Variants in KLHL10 observed in about 807,000 individuals in gnomAD.
KLHL10 encodes the protein kelch-like protein 10.
In KLHL10, 11 loss-of-function variants were observed where a neutral mutation model predicts 46.6. The ratio of observed to expected loss-of-function variants is 0.24; its 90% CI spans 0.15 to 0.39. The LOEUF (loss-of-function observed/expected upper bound fraction) is 0.39, where lower values mean the gene tolerates loss of function less well. KLHL10 is among the 10% of genes least tolerant of loss of function. KLHL10 has a pLI of 1.00. For synonymous variants in KLHL10, 254 were observed against 279.1 expected, an observed-to-expected ratio of 0.91 and a Z score of 0.90; for missense variants, 475 against 789.8, an observed-to-expected ratio of 0.60 and a Z score of 4.78.
upstream of KLHL10, chr17:41,836,524 G>C: frequency 4.3e-6 from 4 of 928,902 alleles, no homozygotes; most frequent in Non-Finnish European, 5.1e-6. Context: ...GAAAGTTTGT[G>C]ACAAAAACAT....
chr17:41,848,153 A>G lies in KLHL10; in HGVS notation c.1673A>G (p.His558Arg). The change falls in exon 5 of 5, where the codon CAT (histidine) becomes CGT (arginine). Residue 558 changes from histidine to arginine, a missense_variant. Transcript: ENST00000293303. Reference sequence around the variant, plus strand: ...AAGACCGATGAGTGGTATGATGCTCATGACATGAGTATATACCGCAGTGCT... The same window carrying G: ...AAGACCGATGAGTGGTATGATGCTCGTGACATGAGTATATACCGCAGTGCT... ...DEKTDEWYDA[H>R]DMSIYRSALS... 2 of 1,614,190 alleles carry G rather than the reference A, an allele frequency of 1.2e-6. No homozygotes were observed. Among genetic ancestry groups the G allele is most frequent in the Non-Finnish European group, 1.7e-6 (2 of 1,180,038 alleles).
At chr17:41,836,055 G>A, upstream of KLHL10, 1 of 1,405,108 alleles carries the variant, frequency 7.1e-7, no homozygotes, top group Non-Finnish European at 9.3e-7. Flanking sequence ...CGGGGCCGGG[G>A]TGCGCGAGGG....
At position 41,837,986 on chromosome 17, in the gene KLHL10, G is replaced by A; in HGVS notation, c.54G>A (p.Glu18=). Residue 18 remains glutamate, a synonymous_variant, in exon 1 of 5, where the codon GAG becomes GAA. Transcript: ENST00000293303. The stretch of plus-strand genomic sequence containing the variant: ...CACGTTTCCACCAGCCTCACATGGA[G>A]AGGAAGATGAGTGCGATGGCCTGTG... ...ASTRFHQPHM[E]RKMSAMACEI... 6.2e-7 allele frequency: 1 copy of A among 1,614,166 alleles called. No individual in the cohort carries two copies. Among genetic ancestry groups the A allele is most frequent in the Non-Finnish European group, 8.5e-7 (1 of 1,180,036 alleles).
In KLHL10 at chr17:41,848,351, ATTC is replaced by A. The variant is rs1232014968; in HGVS notation, c.*47_*49del. 1.3e-6 allele frequency: 2 copies of A among 1,585,916 alleles called. No homozygotes were observed. The highest frequency in any genetic ancestry group is 1.3e-5 in the African/African-American group (1 of 74,204). On this transcript the variant is annotated 3_prime_UTR_variant, in exon 5 of 5. Transcript: ENST00000293303. ...TAAAAAGTCTAAGCAATAAGAATTA[ATTC>A]TTTTTTTAAAAAAATGCAGTGTTTA... is the stretch of plus-strand genomic sequence containing the variant.
upstream of KLHL10, chr17:41,836,430 A>C (rs1410993741): frequency 1.0e-6 from 1 of 985,036 alleles, no homozygotes; most frequent in Non-Finnish European, 1.2e-6. Flanking sequence ...TGAAGGTCCC[A>C]AGGTGTTGGG....
chr17:41,847,832 G>A, intron 4 of KLHL10, 101 bp from the exon 5 acceptor site: 1 of 1,487,050 alleles, frequency 6.7e-7, no homozygotes, highest in Non-Finnish European at 9.4e-7. Flanking sequence ...GGAAGATAAT[G>A]GAAGAGGGAG....
Position 41,842,329 on chromosome 17 carries a change from G to C in KLHL10, c.684+17G>C. 6.2e-7 allele frequency: 1 copy of C among 1,612,978 alleles called. No individual in the cohort carries two copies. ...CTTCCTAAGGTCAGTGTTCACTCTT[G>C]ATTCATTTATCACAGAGAGATTGTC... On this transcript the variant is annotated intron_variant, in intron 2 of 4. Coordinates refer to ENST00000293303, the MANE Select transcript of KLHL10 (RefSeq NM_152467.5).
At chr17:41,842,802 T>C (rs1163930960) in intron 2 of KLHL10, among the ~76,000 whole-genome samples, 2 of 151,460 alleles carry the variant, frequency 1.3e-5, no homozygotes, top group Non-Finnish European at 2.9e-5. Context: ...CTGGGCATGG[T>C]GGTGGGTGCC....
chr17:41,836,271 T>C, upstream of KLHL10: 3 of 871,990 alleles, frequency 3.4e-6, no homozygotes, highest in Non-Finnish European at 4.0e-6. Flanking sequence ...GCCTCCCGCC[T>C]GGAGCCCGGG....
upstream of KLHL10, chr17:41,837,813 C>T (rs2048181547): frequency 6.5e-7 from 1 of 1,543,542 alleles, no homozygotes; most frequent in African/African-American, 1.4e-5. Context: ...CTTGGGTTGC[C>T]TGATAGACCC....
chr17:41,841,400 C>T (rs868939651), intron 1 of KLHL10, among the ~76,000 whole-genome samples: 3 of 152,068 alleles, frequency 2.0e-5, no homozygotes, highest in Admixed American at 6.6e-5. Flanking sequence ...CTGCAACCTC[C>T]GCCTCCCAGG....
intron 4 of KLHL10, 135 bp downstream of exon 4, chr17:41,847,545 G>A (rs1202242097): frequency 7.8e-6 from 8 of 1,032,160 alleles, no homozygotes; most frequent in Non-Finnish European, 1.1e-5. Context: ...TCGCTCTGTT[G>A]CCCAGGCTGT....
Position 41,839,442 on chromosome 17 carries a change from C to T in KLHL10, c.194+1316C>T, listed in dbSNP as rs371475952. On this transcript the variant is annotated intron_variant, in intron 1 of 4. Transcript: ENST00000293303. Reference sequence around the variant, plus strand: ...CCACTTCAGGGACCCCCCTGTACCCCTATCCCAATAGAGACCATTTCAAAC... The same window carrying T: ...CCACTTCAGGGACCCCCCTGTACCCTTATCCCAATAGAGACCATTTCAAAC... Among the ~76,000 whole-genome samples, 7 of 152,306 alleles carry T rather than the reference C, an allele frequency of 4.6e-5. No individual in the cohort carries two copies. In the South Asian group the frequency reaches 8.3e-4, roughly 18 times the overall value.
intron 3 of KLHL10, 76 bp from the exon 4 acceptor site, chr17:41,847,185 A>G (rs2048298153): frequency 2.3e-6 from 3 of 1,329,918 alleles, no homozygotes; most frequent in Non-Finnish European, 3.3e-6. Flanking sequence ...TTAAGTGCCC[A>G]CTACCACCAC....
In KLHL10 at chr17:41,838,226, G is replaced by GGACACTGTCAA. The variant is rs1207575634; in HGVS notation, c.194+101_194+111dup. ...TCCCACCCCATCACCTTAACTTTAG[G>GGACACTGTCAA]GACACTGTCAAAGCTCTGGGCTCCT... On this transcript the variant is annotated intron_variant, in intron 1 of 4. Coordinates refer to ENST00000293303, the MANE Select transcript of KLHL10 (RefSeq NM_152467.5). 5.6e-6 allele frequency: 6 copies of GGACACTGTCAA among 1,077,550 alleles called. No individual in the cohort carries two copies. In the African/African-American group the frequency reaches 9.3e-5, roughly 17 times the overall value. The allele number at this position is 1,077,550 out of a possible 1,614,324, so 66.7% of individuals were successfully genotyped here.
intron 3 of KLHL10, among the ~76,000 whole-genome samples, 200 bp from the exon 4 acceptor site, chr17:41,847,061 T>C (rs2048296080): frequency 6.6e-6 from 1 of 152,066 alleles, no homozygotes; most frequent in African/African-American, 2.4e-5. Flanking sequence ...TGAGCAGAGA[T>C]GGTGCAAATG....
In KLHL10 at chr17:41,845,466, A is replaced by G. The variant is rs2144136723; in HGVS notation, c.1025A>G (p.Tyr342Cys). Reference sequence around the variant, plus strand: ...GCAGCCTATTTGAAAGGCTATGTGTATATCATTGGGGGGTTTGATAGTGTA... The same window carrying G: ...GCAGCCTATTTGAAAGGCTATGTGTGTATCATTGGGGGGTTTGATAGTGTA... Reference protein sequence around the residue: ...HGAAYLKGYVYIIGGFDSVDY... With the variant: ...HGAAYLKGYVCIIGGFDSVDY... The change falls in exon 3 of 5, where the codon TAT (tyrosine) becomes TGT (cysteine). Residue 342 changes from tyrosine (Y) to cysteine (C), a missense_variant. Physicochemically the swap from Tyr to Cys is radical, Grantham distance 194. Transcript: ENST00000293303. The G allele has an allele frequency of 6.2e-7, 1 of 1,614,210 alleles. No individual in the cohort carries two copies. The highest frequency in any genetic ancestry group is 2.2e-5 in the East Asian group (1 of 44,892).
rs2048231164 is a variant in KLHL10, at chr17:41,841,942, C to T, written c.314C>T (p.Thr105Ile). The T allele has an allele frequency of 6.2e-7, 1 of 1,614,216 alleles. No individual in the cohort carries two copies. The change falls in exon 2 of 5, where the codon ACA (threonine) becomes ATA (isoleucine). Residue 105 changes from threonine to isoleucine, a missense_variant. By Grantham distance (89) the Thr-to-Ile change is moderately conservative. Transcript: ENST00000293303. ...EYAYTRTVPI[T>I]PDNVEKLLAA... ...GCATACACCCGGACCGTGCCTATCA[C>T]ACCGGACAATGTGGAGAAACTGCTT... is the stretch of plus-strand genomic sequence containing the variant.
chr17:41,840,419 G>A (rs2048214917), intron 1 of KLHL10, among the ~76,000 whole-genome samples: 1 of 152,130 alleles, frequency 6.6e-6, no homozygotes. Context: ...CATGAGATCA[G>A]GAATTCAAGA....
Sources: gnomAD v4.1 joint callset for allele counts (sites outside exome capture counted in the v4.1 genomes callset) on GRCh38, gnomAD v4.1.1 for gene constraint, MANE v1.5 for transcripts, NCBI Gene and HGNC (gene_info 2026-07-23, HGNC 2026-07-21) for gene names.